Variants in P2RY8 observed in about 807,000 individuals in gnomAD.
The protein encoded by P2RY8 is P2Y receptor family member 8.
A neutral mutation model predicts 10.0 loss-of-function variants in P2RY8; 6 were observed. That is an observed-to-expected ratio of 0.60 (90% CI 0.33 to 1.19). The LOEUF (loss-of-function observed/expected upper bound fraction) is 1.19. Ranked by LOEUF, P2RY8 falls within the 50% of genes most tolerant of loss-of-function variation. The probability of loss-of-function intolerance (pLI) is 0.04; values close to 1 mark genes in which losing one functional copy is unlikely to be tolerated. For synonymous variants in P2RY8, 276 were observed against 252.5 expected, an observed-to-expected ratio of 1.09 and a Z score of -0.88; for missense variants, 456 against 542.0, an observed-to-expected ratio of 0.84 and a Z score of 1.58.
intron 1 of P2RY8, among the ~76,000 whole-genome samples, chrX:1,510,367 C>G (rs1228915491): frequency 6.6e-6 from 1 of 152,114 alleles, no homozygotes; most frequent in Non-Finnish European, 1.5e-5. Flanking sequence ...AGCAGCTGAA[C>G]GAGCCCTGGC....
intron 1 of P2RY8, among the ~76,000 whole-genome samples, chrX:1,532,656 G>A (rs1436650279): frequency 6.6e-6 from 1 of 151,862 alleles, no homozygotes; most frequent in Non-Finnish European, 1.5e-5. Context: ...CCCAAACATC[G>A]TATGTTCTCA....
chrX:1,502,002 C>A (rs1424300633), intron 1 of P2RY8, among the ~76,000 whole-genome samples: 1 of 152,140 alleles, frequency 6.6e-6, no homozygotes, highest in African/African-American at 2.4e-5. Flanking sequence ...CCTCCGCCTC[C>A]CGGGTTCAAA....
chrX:1,499,959 C>CAT (rs1569537674), intron 1 of P2RY8, among the ~76,000 whole-genome samples: 2 of 140,154 alleles, frequency 1.4e-5, no homozygotes, highest in Non-Finnish European at 3.2e-5. Flanking sequence ...CCCGGGTTCC[C>CAT]GCCATTCTCC....
At chrX:1,505,140 A>AAAAAAAG in intron 1 of P2RY8, among the ~76,000 whole-genome samples, 1 of 138,826 alleles carries the variant, frequency 7.2e-6, no homozygotes, top group African/African-American at 3.0e-5. Context: ...TCTGTCTCAA[A>AAAAAAAG]AAAAAAAAAA....
chrX:1,517,160 T>G (rs1181854972), intron 1 of P2RY8, among the ~76,000 whole-genome samples: 13 of 150,400 alleles, frequency 8.6e-5, no homozygotes, highest in African/African-American at 3.2e-4. Flanking sequence ...CAATGTCTCT[T>G]GTTTCTAAGC....
At chrX:1,471,696 T>C (rs1438908646) in intron 1 of P2RY8, among the ~76,000 whole-genome samples, 1 of 152,020 alleles carries the variant, frequency 6.6e-6, no homozygotes, top group Non-Finnish European at 1.5e-5. Flanking sequence ...AGATGCTGAG[T>C]GCAGTGATCA....
chrX:1,523,464 C>T (rs1230722357), intron 1 of P2RY8, among the ~76,000 whole-genome samples: 1 of 152,070 alleles, frequency 6.6e-6, no homozygotes, highest in African/African-American at 2.4e-5. Context: ...CATATTGTAG[C>T]GGTATCAATA....
chrX:1,521,416 T>TCCC (rs111613116), intron 1 of P2RY8, among the ~76,000 whole-genome samples: 17,693 of 152,090 alleles, frequency 0.12, 1,121 homozygotes, highest in Middle Eastern at 0.14. Context: ...TTCTCTCTGA[T>TCCC]CCATCACCCC....
intron 1 of P2RY8, among the ~76,000 whole-genome samples, chrX:1,534,811 T>C (rs1452825594): frequency 1.3e-5 from 2 of 152,072 alleles, no homozygotes; most frequent in Non-Finnish European, 2.9e-5. Context: ...AGCCATCGCT[T>C]CTTCCCTGGA....
intron 1 of P2RY8, among the ~76,000 whole-genome samples, chrX:1,498,278 T>C (rs78532414): frequency 0.4 from 59,805 of 149,024 alleles, 12,837 homozygotes; most frequent in Admixed American, 0.54. Context: ...TGGTGGCGGG[T>C]GCCTGTAGTC....
chrX:1,524,777 CCATCCACTCATCCATTCATCCATCCACT>C (rs2092426915), intron 1 of P2RY8, among the ~76,000 whole-genome samples: 1 of 93,866 alleles, frequency 1.1e-5, no homozygotes, highest in Non-Finnish European at 2.6e-5. Flanking sequence ...ATCCATCCAT[CCATCCACTCATCCATTCATCCATCCACT>C]CATCCATCCA....
intron 1 of P2RY8, among the ~76,000 whole-genome samples, chrX:1,487,954 T>C (rs1189230606): frequency 2.0e-5 from 3 of 151,818 alleles, no homozygotes; most frequent in Non-Finnish European, 4.4e-5. Flanking sequence ...ACTAAAACTA[T>C]AAAAAATTAG....
intron 1 of P2RY8, among the ~76,000 whole-genome samples, chrX:1,505,372 G>C (rs2092222819): frequency 6.6e-6 from 1 of 152,212 alleles, no homozygotes; most frequent in Non-Finnish European, 1.5e-5. Context: ...AATGACCACA[G>C]ATAGTGTCCA....
At chrX:1,488,141 T>A (rs1471480420) in intron 1 of P2RY8, among the ~76,000 whole-genome samples, 1 of 148,152 alleles carries the variant, frequency 6.7e-6, no homozygotes, top group African/African-American at 2.5e-5. Context: ...GAGAAGTGGG[T>A]CTCAACAGGG....
chrX:1,532,370 C>CACATATAT (rs2092482244), intron 1 of P2RY8, among the ~76,000 whole-genome samples: 9 of 143,102 alleles, frequency 6.3e-5, no homozygotes, highest in Non-Finnish European at 1.2e-4. Flanking sequence ...TACACATATA[C>CACATATAT]GTATATGATG....
intron 1 of P2RY8, among the ~76,000 whole-genome samples, chrX:1,510,953 T>C (rs1350096084): frequency 1.4e-4 from 21 of 150,612 alleles, no homozygotes; most frequent in African/African-American, 5.1e-4. Context: ...CCAAGGCGGG[T>C]GGATCACGGG....
At chrX:1,508,713 TCTATCTATCTA>T (rs1569538044) in intron 1 of P2RY8, among the ~76,000 whole-genome samples, 19 of 59,496 alleles carry the variant, frequency 3.2e-4, no homozygotes, top group Admixed American at 8.6e-4. Flanking sequence ...ATTCTATCTA[TCTATCTATCTA>T]TCTATCTATC....
chrX:1,504,460 C>T (rs1312353335), intron 1 of P2RY8, among the ~76,000 whole-genome samples: 1 of 152,158 alleles, frequency 6.6e-6, no homozygotes, highest in Non-Finnish European at 1.5e-5. Flanking sequence ...GACAGCAAAA[C>T]AGTTCATGTG....
At chrX:1,501,550 G>A (rs1351534157) in intron 1 of P2RY8, among the ~76,000 whole-genome samples, 1 of 151,732 alleles carries the variant, frequency 6.6e-6, no homozygotes, top group Admixed American at 6.6e-5. Context: ...TGTAGACATA[G>A]GGGTCTCACT....
Sources: gnomAD v4.1 joint callset for allele counts (sites outside exome capture counted in the v4.1 genomes callset) on GRCh38, gnomAD v4.1.1 for gene constraint, MANE v1.5 for transcripts, NCBI Gene and HGNC (gene_info 2026-07-23, HGNC 2026-07-21) for gene names.